SEL1L2: variants seen among roughly 807,000 people sequenced by gnomAD.
SEL1L2 encodes the protein protein sel-1 homolog 2.
In SEL1L2, 89 loss-of-function variants were observed where a neutral mutation model predicts 98.8. The observed-to-expected ratio is 0.90, with a 90% CI of 0.76 to 1.07. The LOEUF (loss-of-function observed/expected upper bound fraction) is 1.07, where lower values mean the gene tolerates loss of function less well. SEL1L2 is among the 50% of genes least tolerant of loss of function. The pLI is 0.00. For missense variants in SEL1L2, 788 were observed against 812.0 expected (o/e 0.97, Z 0.36); for synonymous variants, 262 against 278.5 (o/e 0.94, Z 0.59).
chr20:13,899,168 G>T (rs935199174), intron 5 of SEL1L2, among the ~76,000 whole-genome samples: 1 of 152,060 alleles, frequency 6.6e-6, no homozygotes, highest in Non-Finnish European at 1.5e-5. Context: ...TAATAATTTT[G>T]TAAGTTCCTT....
chr20:13,904,460 G>A (rs1202098392), intron 5 of SEL1L2, among the ~76,000 whole-genome samples: 6 of 152,058 alleles, frequency 3.9e-5, no homozygotes, highest in African/African-American at 7.2e-5. Context: ...CCTGGGAGGT[G>A]GAGGTTGTAT....
At chr20:13,975,792 G>A in intron 1 of SEL1L2, among the ~76,000 whole-genome samples, 1 of 152,168 alleles carries the variant, frequency 6.6e-6, no homozygotes, top group East Asian at 1.9e-4. Flanking sequence ...ATGAGACTTT[G>A]ATGCATAGGA....
chr20:13,868,098 C>T (rs1437988010), intron 14 of SEL1L2, among the ~76,000 whole-genome samples: 1 of 152,050 alleles, frequency 6.6e-6, no homozygotes, highest in Non-Finnish European at 1.5e-5. Context: ...TCTAAGACCT[C>T]CTAGCCAACC....
chr20:13,946,053 G>C (rs2049992631), intron 2 of SEL1L2, among the ~76,000 whole-genome samples: 1 of 152,138 alleles, frequency 6.6e-6, no homozygotes, highest in Non-Finnish European at 1.5e-5. Flanking sequence ...CTTTTCCTCT[G>C]AGATAGGAAC....
At chr20:13,970,715 C>T (rs1411526296) in intron 1 of SEL1L2, among the ~76,000 whole-genome samples, 1 of 151,936 alleles carries the variant, frequency 6.6e-6, no homozygotes, top group Non-Finnish European at 1.5e-5. Context: ...GCCTGTAATC[C>T]CAGCTACTCG....
intron 3 of SEL1L2, 76 bp downstream of exon 3, chr20:13,931,527 G>T: frequency 1.1e-6 from 1 of 920,468 alleles, no homozygotes. Context: ...AGACTTCTCA[G>T]AAAGTAGCTC....
chr20:13,924,415 T>G (rs2048792078), intron 3 of SEL1L2, among the ~76,000 whole-genome samples: 1 of 151,906 alleles, frequency 6.6e-6, no homozygotes, highest in Non-Finnish European at 1.5e-5. Flanking sequence ...GAATACACAT[T>G]TTCTTTTTCT....
intron 4 of SEL1L2, chr20:13,915,268 C>T (rs2048356132): frequency 5.5e-6 from 7 of 1,282,272 alleles, no homozygotes; most frequent in South Asian, 1.2e-5. Context: ...AGGGTGAGTA[C>T]TCCAGTGGAA....
At chr20:13,911,870 T>A (rs2048218472) in intron 5 of SEL1L2, among the ~76,000 whole-genome samples, 1 of 152,208 alleles carries the variant, frequency 6.6e-6, no homozygotes, top group South Asian at 2.1e-4. Flanking sequence ...AAATTTTATA[T>A]CCTTTGACCA....
Position 13,876,037 on chromosome 20 carries a change from C to T in SEL1L2, c.1104+1G>A, listed in dbSNP as rs1246390228. On this transcript the variant is annotated splice_donor_variant, in intron 12 of 19. Coordinates refer to ENST00000284951, the MANE Select transcript of SEL1L2 (RefSeq NM_025229.2). LOFTEE classifies it high-confidence loss of function. Reference sequence around the variant, plus strand: ...TTTACAACAGTGCATTGAGGACATACCTTACTGGCTGCCATGGAAAAGTAC... The same window carrying T: ...TTTACAACAGTGCATTGAGGACATATCTTACTGGCTGCCATGGAAAAGTAC... 1.5e-5 allele frequency: 24 copies of T among 1,612,152 alleles called. No homozygotes were observed. Among genetic ancestry groups the T allele is most frequent in the Admixed American group, 3.3e-5 (2 of 60,024 alleles).
chr20:13,944,967 G>A (rs1184668840), intron 2 of SEL1L2, among the ~76,000 whole-genome samples: 1 of 152,168 alleles, frequency 6.6e-6, no homozygotes, highest in Non-Finnish European at 1.5e-5. Context: ...GGCCTCCTTA[G>A]TCTGTGGTCA....
intron 4 of SEL1L2, among the ~76,000 whole-genome samples, chr20:13,916,240 T>A (rs1469691362): frequency 6.6e-6 from 1 of 152,128 alleles, no homozygotes; most frequent in African/African-American, 2.4e-5. Context: ...CTATCTTACA[T>A]CTGTCCTGCC....
intron 5 of SEL1L2, among the ~76,000 whole-genome samples, chr20:13,894,587 T>C (rs1366433221): frequency 6.6e-6 from 1 of 151,764 alleles, no homozygotes; most frequent in Non-Finnish European, 1.5e-5. Context: ...AACAAAAAAT[T>C]AACAAAATTT....
At chr20:13,943,891 G>A (rs1482738736) in intron 2 of SEL1L2, among the ~76,000 whole-genome samples, 2 of 152,074 alleles carry the variant, frequency 1.3e-5, no homozygotes, top group Non-Finnish European at 2.9e-5. Flanking sequence ...ATTGGTCCGT[G>A]GGTGGGCTTG....
At chr20:13,922,433 G>A (rs572046118) in intron 3 of SEL1L2, among the ~76,000 whole-genome samples, 4 of 152,212 alleles carry the variant, frequency 2.6e-5, no homozygotes, top group Non-Finnish European at 5.9e-5. Context: ...GTAATGGATC[G>A]TTATTCTTCT....
intron 1 of SEL1L2, among the ~76,000 whole-genome samples, chr20:13,985,741 C>T (rs2052141333): frequency 6.6e-6 from 1 of 152,144 alleles, no homozygotes; most frequent in Non-Finnish European, 1.5e-5. Context: ...ATGCAAACAT[C>T]CCACAATCAC....
chr20:13,857,027 A>T (rs1476122981), intron 18 of SEL1L2, among the ~76,000 whole-genome samples: 2 of 152,174 alleles, frequency 1.3e-5, no homozygotes, highest in Non-Finnish European at 2.9e-5. Flanking sequence ...AGAATTAGAG[A>T]AGGTGATAGC....
chr20:13,925,502 T>C (rs1600773997), intron 3 of SEL1L2, among the ~76,000 whole-genome samples: 1 of 152,134 alleles, frequency 6.6e-6, no homozygotes, highest in Non-Finnish European at 1.5e-5. Context: ...CGGGTGGTGA[T>C]TGGTTGGTTG....
At chr20:13,864,799 A>T (rs1990736518) in intron 17 of SEL1L2, among the ~76,000 whole-genome samples, 1 of 152,216 alleles carries the variant, frequency 6.6e-6, no homozygotes, top group Non-Finnish European at 1.5e-5. Flanking sequence ...ACTCATTGAG[A>T]CATGGGTCAT....
Sources: gnomAD v4.1 joint callset for allele counts (sites outside exome capture counted in the v4.1 genomes callset) on GRCh38, gnomAD v4.1.1 for gene constraint, MANE v1.5 for transcripts, NCBI Gene and HGNC (gene_info 2026-07-23, HGNC 2026-07-21) for gene names.